The following SH2B3 variants were observed in gnomAD, a reference collection of about 807,000 sequenced individuals.
The protein encoded by SH2B3 is SH2B adapter protein 3.
In SH2B3, 43 loss-of-function variants were observed where a neutral mutation model predicts 51.9. That is an observed-to-expected ratio of 0.83 (90% CI 0.65 to 1.07). SH2B3 has a LOEUF of 1.07. Ranked by LOEUF, SH2B3 falls within the 50% of genes least tolerant of loss-of-function variation. The pLI is 0.00. For synonymous variants in SH2B3, 396 were observed against 376.0 expected (o/e 1.05, Z -0.62); for missense variants, 952 against 834.3 (o/e 1.14, Z -1.74).
At chr12:111,436,928 G>A (rs1872932249) in intron 2 of SH2B3, among the ~76,000 whole-genome samples, 1 of 151,160 alleles carries the variant, frequency 6.6e-6, no homozygotes, top group Admixed American at 6.6e-5. Context: ...ACACATACAC[G>A]GGAAAAGCAG....
chr12:111,436,075 A>G (rs1280284281), intron 2 of SH2B3, among the ~76,000 whole-genome samples: 2 of 152,154 alleles, frequency 1.3e-5, no homozygotes, highest in Non-Finnish European at 2.9e-5. Flanking sequence ...AAGCTGCTGC[A>G]TGCCCTGTGC....
chr12:111,420,369 A>AAC (rs1246427018), intron 2 of SH2B3, among the ~76,000 whole-genome samples: 3 of 144,796 alleles, frequency 2.1e-5, no homozygotes, highest in African/African-American at 7.4e-5. Context: ...CCCTGTCTCA[A>AAC]AAAAAAAAAA....
upstream of SH2B3, among the ~76,000 whole-genome samples, chr12:111,404,808 A>G (rs780271037): frequency 6.6e-5 from 10 of 152,230 alleles, no homozygotes; most frequent in Non-Finnish European, 1.5e-4. Context: ...TCTCACTGCC[A>G]GGAGAGTGGG....
chr12:111,430,270 G>A (rs1252007665), intron 2 of SH2B3, among the ~76,000 whole-genome samples: 1 of 152,206 alleles, frequency 6.6e-6, no homozygotes, highest in Non-Finnish European at 1.5e-5. Context: ...GGGGTTCCAT[G>A]CAAAATCGTT....
At chr12:111,420,586 T>C (rs1027990135) in intron 2 of SH2B3, among the ~76,000 whole-genome samples, 1 of 152,100 alleles carries the variant, frequency 6.6e-6, no homozygotes, top group African/African-American at 2.4e-5. Context: ...GCAAAACCGA[T>C]GTGATACTGG....
At chr12:111,434,637 CT>C in intron 2 of SH2B3, 1 of 303,976 alleles carries the variant, frequency 3.3e-6, no homozygotes, top group Non-Finnish European at 4.8e-6. Flanking sequence ...TTATTCTTTG[CT>C]TTTTTACCTT....
In SH2B3 at chr12:111,435,845, G is replaced by A. The variant is rs1413370348; in HGVS notation, c.733-10908G>A. 6.6e-6 allele frequency among the ~76,000 whole-genome samples: 1 copy of A among 152,226 alleles called. No individual in the cohort carries two copies. Among genetic ancestry groups the A allele is most frequent in the African/African-American group, 2.4e-5 (1 of 41,456 alleles). ...GCTGGGCTTAGCCAGGCTGGCCACAGTGGGGGCAGGAAGGATTCCTATGGG... is the reference window on the plus strand; with the variant it reads ...GCTGGGCTTAGCCAGGCTGGCCACAATGGGGGCAGGAAGGATTCCTATGGG... On this transcript the variant is annotated intron_variant, in intron 2 of 7. Coordinates refer to ENST00000341259, the MANE Select transcript of SH2B3 (RefSeq NM_005475.3). The surrounding 1 kb of genome is among the most constrained non-coding windows in gnomAD (Gnocchi z 4.8).
chr12:111,424,302 CTG>C (rs761753328), intron 2 of SH2B3, among the ~76,000 whole-genome samples: 1 of 152,012 alleles, frequency 6.6e-6, no homozygotes, highest in African/African-American at 2.4e-5. Context: ...CCCCATAGGG[CTG>C]TGTGTCTTGG....
intron 1 of SH2B3, among the ~76,000 whole-genome samples, chr12:111,413,349 A>G (rs1276066081): frequency 6.6e-6 from 1 of 152,236 alleles, no homozygotes; most frequent in Non-Finnish European, 1.5e-5. Context: ...GCAGTGAGCT[A>G]TGATTGTGCC....
chr12:111,449,154 G>T lies in SH2B3; in HGVS notation c.*852G>T, dbSNP rs994272110. The T allele has an allele frequency of 6.6e-6, 1 of 152,654 alleles. No individual in the cohort carries two copies. Among genetic ancestry groups the T allele is most frequent in the Non-Finnish European group, 1.5e-5 (1 of 68,042 alleles). 9.5% of individuals were successfully genotyped at this position (152,654 alleles called of 1,614,324 possible). A position where few individuals can be genotyped will look rare whatever the true frequency, so the allele number is the denominator to read the frequency against. On this transcript the variant is annotated 3_prime_UTR_variant, in exon 8 of 8. Coordinates refer to ENST00000341259, the MANE Select transcript of SH2B3 (RefSeq NM_005475.3). Reference sequence around the variant, plus strand: ...AATTACTGAAATAGGAGGGTGGCAAGAACAGTTCTATCCTGGTGCCTTACG... The same window carrying T: ...AATTACTGAAATAGGAGGGTGGCAATAACAGTTCTATCCTGGTGCCTTACG...
rs915099107 is a variant in SH2B3 at position 111,438,170 on chromosome 12, G to C, written c.733-8583G>C. On this transcript the variant is annotated intron_variant, in intron 2 of 7. Transcript: ENST00000341259. The surrounding 1 kb of genome is among the most constrained non-coding windows in gnomAD (Gnocchi z 4.2). ...TCACAAATGCAGGGGCTGGGTGGCA[G>C]GGGAAGGTGTGGGCGGGAAGGCGGC... is the stretch of plus-strand genomic sequence containing the variant. Among the ~76,000 whole-genome samples, 2 of 152,180 alleles carry C rather than the reference G, an allele frequency of 1.3e-5. No individual in the cohort carries two copies. The highest frequency in any genetic ancestry group is 4.8e-5 in the African/African-American group (2 of 41,434).
At chr12:111,432,979 T>G (rs1443923974) in intron 2 of SH2B3, among the ~76,000 whole-genome samples, 1 of 152,232 alleles carries the variant, frequency 6.6e-6, no homozygotes, top group African/African-American at 2.4e-5. Flanking sequence ...GTGGACAAGT[T>G]TTTGTGTGGA....
At chr12:111,445,172 A>G (rs1041077265) in intron 2 of SH2B3, among the ~76,000 whole-genome samples, 5 of 152,252 alleles carry the variant, frequency 3.3e-5, no homozygotes, top group African/African-American at 1.2e-4. Context: ...CTGGAGCGGA[A>G]CTGAAAGGGA....
At position 111,448,558 on chromosome 12, in the gene SH2B3, C is replaced by G; in HGVS notation, c.*256C>G. On this transcript the variant is annotated 3_prime_UTR_variant, in exon 8 of 8. Coordinates refer to ENST00000341259, the MANE Select transcript of SH2B3 (RefSeq NM_005475.3). ...TTAGAGGATGCCGCTAGCTCCTGCC[C>G]GGGGTCCCTATGCCCAGTCCCCGTT... 1 of 485,132 alleles carries G rather than the reference C, an allele frequency of 2.1e-6. No individual in the cohort carries two copies. Among genetic ancestry groups the G allele is most frequent in the South Asian group, 2.7e-5 (1 of 36,508 alleles). The allele number at this position is 485,132 out of a possible 1,614,324, so 30.1% of individuals were successfully genotyped here. A position where few individuals can be genotyped will look rare whatever the true frequency, so the allele number is the denominator to read the frequency against.
chr12:111,412,233 G>C (rs1052709174), intron 1 of SH2B3, among the ~76,000 whole-genome samples: 1 of 152,148 alleles, frequency 6.6e-6, no homozygotes, highest in Non-Finnish European at 1.5e-5. Context: ...CCACTGCCTG[G>C]GCCAGGGTCA....
At chr12:111,446,195 C>T (rs1873937787) in intron 2 of SH2B3, among the ~76,000 whole-genome samples, 2 of 152,248 alleles carry the variant, frequency 1.3e-5, no homozygotes, top group South Asian at 4.1e-4. Context: ...CAGAGTGCCC[C>T]AGCACAGGAA....
chr12:111,426,025 G>A (rs924381713), intron 2 of SH2B3, among the ~76,000 whole-genome samples: 25 of 152,240 alleles, frequency 1.6e-4, no homozygotes, highest in Admixed American at 4.6e-4. Flanking sequence ...GAAATGGTCT[G>A]TCTGGTGTTT....
At chr12:111,444,532 C>T (rs1873740185) in intron 2 of SH2B3, among the ~76,000 whole-genome samples, 1 of 152,232 alleles carries the variant, frequency 6.6e-6, no homozygotes, top group Non-Finnish European at 1.5e-5. Context: ...GATCACCCAA[C>T]CACAGTAGAG....
intron 2 of SH2B3, among the ~76,000 whole-genome samples, chr12:111,422,354 G>A (rs561033930): frequency 4.3e-4 from 65 of 152,260 alleles, no homozygotes; most frequent in African/African-American, 1.4e-3. Flanking sequence ...TTTACTTTGC[G>A]TTTCCCTGAT....
Sources: gnomAD v4.1 joint callset for allele counts (sites outside exome capture counted in the v4.1 genomes callset) on GRCh38, gnomAD v4.1.1 for gene constraint, Gnocchi (gnomAD v3.1) non-coding constraint, MANE v1.5 for transcripts, NCBI Gene and HGNC (gene_info 2026-07-23, HGNC 2026-07-21) for gene names.